Variants in SDC2 observed in about 807,000 individuals in gnomAD.
SDC2 encodes the protein syndecan 2.
Under a neutral mutation model 22.2 loss-of-function variants are expected in SDC2, and 13 were observed. The ratio of observed to expected loss-of-function variants is 0.59; its 90% confidence interval spans 0.38 to 0.93. The LOEUF (loss-of-function observed/expected upper bound fraction) is 0.93. Ranked by LOEUF, SDC2 falls within the 40% of genes least tolerant of loss-of-function variation. The pLI is 0.00. For synonymous variants in SDC2, 94 were observed against 92.8 expected, an observed-to-expected ratio of 1.01 and a Z score of -0.07; for missense variants, 235 against 246.8, an observed-to-expected ratio of 0.95 and a Z score of 0.32.
chr8:96,537,201 A>G (rs1454255434), intron 1 of SDC2: 10 of 152,212 alleles, frequency 6.6e-5, no homozygotes, highest in Non-Finnish European at 1.5e-4. Flanking sequence ...GTACTGTGAC[A>G]ATAAGGTTTT....
intron 1 of SDC2, among the ~76,000 whole-genome samples, chr8:96,548,059 A>G (rs1435407207): frequency 6.6e-6 from 1 of 152,198 alleles, no homozygotes; most frequent in Admixed American, 6.5e-5. Flanking sequence ...CACCACGCCA[A>G]GTCCTTGATT....
chr8:96,579,081 G>GC (rs1177518905), intron 1 of SDC2, among the ~76,000 whole-genome samples: 2 of 152,198 alleles, frequency 1.3e-5, no homozygotes, highest in Non-Finnish European at 2.9e-5. Context: ...TTGTTTCTTT[G>GC]CCAGCACTTC....
intron 1 of SDC2, among the ~76,000 whole-genome samples, chr8:96,567,492 C>A (rs150957805): frequency 1.1e-3 from 167 of 152,256 alleles, no homozygotes; most frequent in African/African-American, 3.3e-3. Context: ...AGTTTTTCAT[C>A]CCTCACCCTC....
At chr8:96,587,682 T>G (rs928830715) in intron 1 of SDC2, among the ~76,000 whole-genome samples, 1 of 152,146 alleles carries the variant, frequency 6.6e-6, no homozygotes, top group Non-Finnish European at 1.5e-5. Flanking sequence ...TGCAATTTTT[T>G]CCCCATCTAT....
chr8:96,547,399 A>C (rs1813951083), intron 1 of SDC2, among the ~76,000 whole-genome samples: 1 of 152,222 alleles, frequency 6.6e-6, no homozygotes, highest in Admixed American at 6.5e-5. Flanking sequence ...TTATGACTCA[A>C]GCTCACCCAT....
chr8:96,518,421 C>A (rs1266260298), intron 1 of SDC2, among the ~76,000 whole-genome samples: 1 of 146,986 alleles, frequency 6.8e-6, no homozygotes, highest in Non-Finnish European at 1.5e-5. Context: ...AGTGCAGTGG[C>A]GCGATCTCGG....
chr8:96,548,696 G>C (rs190549039), intron 1 of SDC2, among the ~76,000 whole-genome samples: 4 of 152,268 alleles, frequency 2.6e-5, no homozygotes, highest in Non-Finnish European at 5.9e-5. Flanking sequence ...AAGGTGAGGA[G>C]CTCCTAGAAG....
intron 1 of SDC2, among the ~76,000 whole-genome samples, chr8:96,550,605 AG>A (rs1214209781): frequency 1.3e-5 from 2 of 152,128 alleles, no homozygotes; most frequent in Non-Finnish European, 2.9e-5. Flanking sequence ...CATTGACTTG[AG>A]CTGGTTCCCG....
chr8:96,520,016 A>G (rs1453377302), intron 1 of SDC2, among the ~76,000 whole-genome samples: 1 of 152,228 alleles, frequency 6.6e-6, no homozygotes. Context: ...AATTTAGTAA[A>G]TAGTTGTTAC....
chr8:96,610,958 C>T lies in SDC2; in HGVS notation c.*1410C>T, dbSNP rs1249379631. 6.5e-6 allele frequency: 1 copy of T among 152,676 alleles called. No individual in the cohort carries two copies. The highest frequency in any genetic ancestry group is 1.9e-4 in the East Asian group (1 of 5,198). The allele number at this position is 152,676 out of a possible 1,614,324, so 9.5% of individuals were successfully genotyped here. A position where few individuals can be genotyped will look rare whatever the true frequency, so the allele number is the denominator to read the frequency against. ...GACAGACGCCTGCTTTTGCAAATAA[C>T]TTACAAGACTGTAAATTCCAAAGAT... On this transcript the variant is annotated 3_prime_UTR_variant, in exon 5 of 5. Coordinates refer to ENST00000302190, the MANE Select transcript of SDC2 (RefSeq NM_002998.4).
intron 1 of SDC2, among the ~76,000 whole-genome samples, chr8:96,542,493 G>A (rs1235217750): frequency 2.6e-5 from 4 of 152,136 alleles, no homozygotes; most frequent in Non-Finnish European, 5.9e-5. Context: ...TAGCAGTGAA[G>A]GCTAGATAGT....
chr8:96,575,378 G>A (rs1323199734), intron 1 of SDC2, among the ~76,000 whole-genome samples: 4 of 150,634 alleles, frequency 2.7e-5, no homozygotes, highest in Non-Finnish European at 5.9e-5. Flanking sequence ...GGGGTAGGGT[G>A]GGGTAGGGTG....
intron 1 of SDC2, among the ~76,000 whole-genome samples, chr8:96,498,958 A>C (rs1359678411): frequency 6.6e-6 from 1 of 152,044 alleles, no homozygotes; most frequent in Non-Finnish European, 1.5e-5. Context: ...TTTGTCCTCC[A>C]CCACTTTGAT....
chr8:96,599,042 A>G (rs1262701587), intron 2 of SDC2, among the ~76,000 whole-genome samples: 1 of 150,878 alleles, frequency 6.6e-6, no homozygotes, highest in Non-Finnish European at 1.5e-5. Flanking sequence ...CCCAGGTTCA[A>G]GTGATTCTCC....
chr8:96,505,803 C>T (rs1051151594), intron 1 of SDC2, among the ~76,000 whole-genome samples: 4 of 152,150 alleles, frequency 2.6e-5, no homozygotes, highest in Non-Finnish European at 4.4e-5. Context: ...AATGGACACA[C>T]GTTACTATAA....
At chr8:96,496,025 T>A (rs1458469042) in intron 1 of SDC2, among the ~76,000 whole-genome samples, 1 of 152,232 alleles carries the variant, frequency 6.6e-6, no homozygotes, top group Non-Finnish European at 1.5e-5. Context: ...GTTGCTCCTC[T>A]TGTTGCAAAA....
chr8:96,549,648 A>G (rs959380655), intron 1 of SDC2, among the ~76,000 whole-genome samples: 2 of 152,228 alleles, frequency 1.3e-5, no homozygotes, highest in African/African-American at 4.8e-5. Flanking sequence ...GGTACCTTGC[A>G]TCAAGGAAAA....
At chr8:96,538,150 C>T (rs749076383) in intron 1 of SDC2, among the ~76,000 whole-genome samples, 234 of 152,132 alleles carry the variant, frequency 1.5e-3, no homozygotes, top group Non-Finnish European at 1.6e-3. Context: ...TTAGTAGAGA[C>T]GGGGTTTCAC....
intron 1 of SDC2, among the ~76,000 whole-genome samples, chr8:96,533,222 A>G (rs1478303205): frequency 6.6e-6 from 1 of 152,170 alleles, no homozygotes; most frequent in African/African-American, 2.4e-5. Flanking sequence ...AAGCTTCCAC[A>G]GTGTGGAAGG....
Sources: allele counts gnomAD v4.1 joint callset (sites outside exome capture counted in the v4.1 genomes callset), GRCh38; gene constraint gnomAD v4.1.1; transcripts MANE v1.5; gene names NCBI Gene and HGNC (gene_info 2026-07-23, HGNC 2026-07-21).